MEIOB: variants seen among roughly 807,000 people sequenced by gnomAD.
The protein encoded by MEIOB is meiosis specific with OB-fold, also known as meiosis-specific with OB domain-containing protein.
MEIOB carries 50 observed loss-of-function variants against 53.1 expected under a neutral mutation model. That is an observed-to-expected ratio of 0.94 (90% CI 0.75 to 1.19). MEIOB has a LOEUF of 1.19. MEIOB is among the 50% of genes most tolerant of loss of function. The pLI, the probability that MEIOB is intolerant of heterozygous loss-of-function variation, is 0.00. For missense variants in MEIOB, 551 were observed against 550.8 expected (o/e 1.00, Z 0.00); for synonymous variants, 192 against 182.5 (o/e 1.05, Z -0.42).
chr16:1,860,572 G>T, intron 4 of MEIOB, 97 bp from the exon 5 acceptor site: 3 of 693,588 alleles, frequency 4.3e-6, no homozygotes, highest in South Asian at 1.8e-5. Flanking sequence ...GATCATCATC[G>T]ACTCTAGGCT....
chr16:1,859,229 T>C (rs1448547292), intron 5 of MEIOB, among the ~76,000 whole-genome samples: 2 of 152,194 alleles, frequency 1.3e-5, no homozygotes, highest in South Asian at 4.1e-4. Flanking sequence ...GAAAGTTCTA[T>C]GCAGAGAGAG....
intron 6 of MEIOB, among the ~76,000 whole-genome samples, chr16:1,855,038 C>G (rs9806995): frequency 0.034 from 5,185 of 152,164 alleles, 308 homozygotes; most frequent in African/African-American, 0.12. Flanking sequence ...GAGAGGTCAG[C>G]CTAACATCTG....
At chr16:1,852,433 T>C (rs1899197456) in intron 9 of MEIOB, among the ~76,000 whole-genome samples, 1 of 151,924 alleles carries the variant, frequency 6.6e-6, no homozygotes, top group South Asian at 2.1e-4. Flanking sequence ...CGGCTAATTT[T>C]TCTATTTTTA....
intron 7 of MEIOB, 121 bp downstream of exon 7, chr16:1,853,979 A>G: frequency 3.0e-6 from 2 of 667,144 alleles, no homozygotes; most frequent in Non-Finnish European, 5.2e-6. Context: ...TTTTTAAAAT[A>G]TCATTCATCT....
intron 4 of MEIOB, among the ~76,000 whole-genome samples, chr16:1,861,518 A>G (rs1899442279): frequency 6.6e-6 from 1 of 151,160 alleles, no homozygotes; most frequent in Non-Finnish European, 1.5e-5. Flanking sequence ...AACATTCTGA[A>G]TGCCTCGCAT....
At chr16:1,840,368 A>C (rs893802783) in intron 11 of MEIOB, among the ~76,000 whole-genome samples, 1 of 152,110 alleles carries the variant, frequency 6.6e-6, no homozygotes, top group Non-Finnish European at 1.5e-5. Flanking sequence ...ACAAACTTAC[A>C]AGTGTGATAA....
chr16:1,838,571 T>C (rs1898810984), intron 12 of MEIOB, among the ~76,000 whole-genome samples: 1 of 152,120 alleles, frequency 6.6e-6, no homozygotes, highest in East Asian at 1.9e-4. Flanking sequence ...TGTAACTGAG[T>C]AGGTGAAACA....
intron 11 of MEIOB, chr16:1,841,147 G>C (rs1365088108): frequency 6.6e-6 from 1 of 150,492 alleles, no homozygotes; most frequent in Non-Finnish European, 1.5e-5. Context: ...CTCCAAAGTA[G>C]CTGGCATTAC....
intron 9 of MEIOB, 41 bp downstream of exon 9, chr16:1,852,998 G>T: frequency 8.5e-7 from 1 of 1,175,852 alleles, no homozygotes; most frequent in Non-Finnish European, 1.3e-6. Context: ...AATGTGTTCA[G>T]TCATTTCCAA....
chr16:1,842,369 A>G (rs1343876843), intron 10 of MEIOB, among the ~76,000 whole-genome samples: 1 of 151,232 alleles, frequency 6.6e-6, no homozygotes, highest in African/African-American at 2.4e-5. Flanking sequence ...AATCCCAGCA[A>G]TTTGGGAGGT....
chr16:1,838,027 C>T (rs1485655643), intron 12 of MEIOB, 157 bp from the exon 13 acceptor site: 18 of 1,365,198 alleles, frequency 1.3e-5, no homozygotes, highest in Non-Finnish European at 1.4e-5. Flanking sequence ...GACAGGGTCT[C>T]ACTCTGTCGC....
intron 9 of MEIOB, among the ~76,000 whole-genome samples, chr16:1,849,764 A>C (rs1899116234): frequency 6.6e-6 from 1 of 152,134 alleles, no homozygotes; most frequent in African/African-American, 2.4e-5. Flanking sequence ...AAATCCAAGA[A>C]ATCTAGATCT....
chr16:1,856,115 C>T (rs562885797), intron 6 of MEIOB, among the ~76,000 whole-genome samples: 10 of 151,578 alleles, frequency 6.6e-5, no homozygotes, highest in Admixed American at 3.9e-4. Flanking sequence ...CTGCCTCAGC[C>T]TCCTGAGTAG....
intron 11 of MEIOB, chr16:1,841,016 T>TC (rs1898893687): frequency 1.4e-5 from 2 of 140,774 alleles, no homozygotes; most frequent in African/African-American, 5.5e-5. Flanking sequence ...TTCTTTCTTT[T>TC]TTTTTTTTTT....
intron 6 of MEIOB, 154 bp downstream of exon 6, chr16:1,857,581 T>C (rs1016688192): frequency 3.5e-5 from 20 of 566,586 alleles, no homozygotes; most frequent in African/African-American, 3.3e-4. Context: ...TTCCCTTTAA[T>C]GAGAAGTGTT....
chr16:1,847,498 C>T (rs372006888), intron 9 of MEIOB, among the ~76,000 whole-genome samples: 39 of 151,120 alleles, frequency 2.6e-4, no homozygotes, highest in African/African-American at 8.3e-4. Flanking sequence ...ATTTTAGGGC[C>T]AAGCAAGGTG....
At chr16:1,866,728 A>G (rs1387083427) in intron 2 of MEIOB, among the ~76,000 whole-genome samples, 1 of 922 alleles carries the variant, frequency 1.1e-3, no homozygotes, top group Non-Finnish European at 2.3e-3. Flanking sequence ...CGCAAAAAAT[A>G]AAAATAAAAA....
At chr16:1,855,848 G>T (rs1378701258) in intron 6 of MEIOB, among the ~76,000 whole-genome samples, 1 of 151,984 alleles carries the variant, frequency 6.6e-6, no homozygotes, top group Non-Finnish European at 1.5e-5. Context: ...ATCTGAAAGG[G>T]TCACGTTCTC....
Position 1,857,909 on chromosome 16 carries a change from A to G in MEIOB, c.354T>C (p.Ser118=). 1 of 1,549,294 alleles carries G rather than the reference A, an allele frequency of 6.5e-7. No individual in the cohort carries two copies. Among genetic ancestry groups the G allele is most frequent in the Non-Finnish European group, 8.7e-7 (1 of 1,145,600 alleles). ...ATPSNCKLLL[S]ENHSTVKVCS... ...AAACTTTTACTGTTGAGTGATTCTC[A>G]CTGAGCAACAGTTTACAGTTGCTAA... The change falls in exon 6 of 14, where the codon AGT becomes AGC. Residue 118 remains serine (S), a synonymous_variant. Transcript: ENST00000325962.
Sources: gnomAD v4.1 joint callset for allele counts (sites outside exome capture counted in the v4.1 genomes callset) on GRCh38, gnomAD v4.1.1 for gene constraint, MANE v1.5 for transcripts, NCBI Gene and HGNC (gene_info 2026-07-23, HGNC 2026-07-21) for gene names.